Variants in ZNF362 observed in about 807,000 individuals in gnomAD.
ZNF362 encodes the protein rotund homolog.
In ZNF362, 11 loss-of-function variants were observed where a neutral mutation model predicts 42.9. The observed-to-expected ratio is 0.26, with a 90% CI of 0.16 to 0.42. The LOEUF (loss-of-function observed/expected upper bound fraction) is 0.42. Ranked by LOEUF, ZNF362 falls within the 20% of genes least tolerant of loss-of-function variation. ZNF362 has a pLI of 1.00. For missense variants in ZNF362, 362 were observed against 576.2 expected (o/e 0.63, Z 3.81); for synonymous variants, 255 against 257.3 (o/e 0.99, Z 0.09).
intron 2 of ZNF362, among the ~76,000 whole-genome samples, chr1:33,275,822 G>A (rs1002087775): frequency 1.3e-5 from 2 of 152,142 alleles, no homozygotes; most frequent in Non-Finnish European, 2.9e-5. Context: ...GGTGATAGGG[G>A]TGGGAGCTGG....
At chr1:33,155,149 G>A in the ZNF362 span, among the ~76,000 whole-genome samples, 2 of 149,496 alleles carry the variant, frequency 1.3e-5, no homozygotes, top group Non-Finnish European at 3.0e-5. Context: ...TCGGCTCATT[G>A]CAGCCTTCAC....
chr1:33,260,926 A>C (rs1341345034), intron 1 of ZNF362, among the ~76,000 whole-genome samples: 1 of 152,152 alleles, frequency 6.6e-6, no homozygotes, highest in Non-Finnish European at 1.5e-5. Flanking sequence ...GAATCTTACC[A>C]TGATAGGATG....
chr1:33,268,353 TTAAG>T, intron 1 of ZNF362, among the ~76,000 whole-genome samples: 1 of 152,224 alleles, frequency 6.6e-6, no homozygotes, highest in East Asian at 1.9e-4. Context: ...CACCTGATTA[TTAAG>T]TAAGTAATTA....
At chr1:33,151,712 C>T in the ZNF362 span, among the ~76,000 whole-genome samples, 1 of 152,166 alleles carries the variant, frequency 6.6e-6, no homozygotes, top group Non-Finnish European at 1.5e-5. Context: ...GTCTGGTCTC[C>T]AGGTGTGTTG....
In ZNF362 at chr1:33,298,942, A is replaced by G. The variant is rs1321300698; in HGVS notation, c.1159A>G (p.Met387Val). The change falls in exon 9 of 9, where the codon ATG (methionine) becomes GTG (valine). Residue 387 changes from methionine to valine, a missense_variant. Met to Val is a conservative substitution (Grantham distance 21). This residue lies in a region of ZNF362 where 68 missense variants were observed against 107.4 expected (regional missense o/e 0.63). Transcript: ENST00000539719. ...TCCCTGCCCACAGGAGACCTACCTG[A>G]TGAAGCACATGTCCAAACACACGGT... ...GRAYTSETYL[M>V]KHMSKHTVVE... 1.9e-6 allele frequency: 3 copies of G among 1,613,810 alleles called. No homozygotes were observed. The highest frequency in any genetic ancestry group is 2.7e-5 in the African/African-American group (2 of 74,938).
the ZNF362 span, among the ~76,000 whole-genome samples, chr1:33,240,590 C>T: frequency 6.6e-6 from 1 of 152,010 alleles, no homozygotes; most frequent in Non-Finnish European, 1.5e-5. Flanking sequence ...TGGAGAATTC[C>T]CAGGTAGACA....
At chr1:33,285,369 A>G (rs544485331) in intron 6 of ZNF362, among the ~76,000 whole-genome samples, 13 of 152,290 alleles carry the variant, frequency 8.5e-5, no homozygotes, top group African/African-American at 3.1e-4. Context: ...AGCCGAGATC[A>G]TGCCACTGCA....
chr1:33,189,646 T>TATATATATATATGTATATATATAC, the ZNF362 span, among the ~76,000 whole-genome samples: 33 of 18,520 alleles, frequency 1.8e-3, 1 homozygote, highest in African/African-American at 3.6e-3. Context: ...TATATATATA[T>TATATATATATATGTATATATATAC]ATATATATAT....
At chr1:33,166,703 A>G in the ZNF362 span, among the ~76,000 whole-genome samples, 1 of 152,168 alleles carries the variant, frequency 6.6e-6, no homozygotes. Flanking sequence ...GCCAGGTGAC[A>G]CGTTTTCTAC....
At chr1:33,285,422 CA>C (rs1296653570) in intron 6 of ZNF362, among the ~76,000 whole-genome samples, 1 of 151,856 alleles carries the variant, frequency 6.6e-6, no homozygotes, top group Admixed American at 6.5e-5. Context: ...TCACCAACAA[CA>C]AAAAAATGTT....
At chr1:33,183,246 G>C in the ZNF362 span, among the ~76,000 whole-genome samples, 1 of 152,130 alleles carries the variant, frequency 6.6e-6, no homozygotes, top group Non-Finnish European at 1.5e-5. Context: ...GCCATAGAGG[G>C]TGGCTACCAG....
At chr1:33,245,622 C>A in the ZNF362 span, among the ~76,000 whole-genome samples, 2 of 152,232 alleles carry the variant, frequency 1.3e-5, no homozygotes, top group African/African-American at 4.8e-5. Flanking sequence ...GAACAAAAAT[C>A]CAACAGCAAG....
the ZNF362 span, among the ~76,000 whole-genome samples, chr1:33,223,211 A>G: frequency 1.3e-5 from 2 of 152,162 alleles, no homozygotes; most frequent in African/African-American, 4.8e-5. Context: ...AGATTGAGCC[A>G]CTGCACTCCA....
chr1:33,264,805 AC>A (rs1305021825), intron 1 of ZNF362, among the ~76,000 whole-genome samples: 1 of 151,974 alleles, frequency 6.6e-6, no homozygotes, highest in Non-Finnish European at 1.5e-5. Flanking sequence ...CTCATTCCTG[AC>A]CCCAAACAAA....
the ZNF362 span, chr1:33,147,772 TGTGGACCCACCATGCA>T: frequency 5.7e-6 from 9 of 1,577,236 alleles, no homozygotes; most frequent in African/African-American, 9.4e-5. The surrounding 1 kb of genome is among the most constrained non-coding windows in gnomAD (Gnocchi z 8.1). Context: ...GGGAGAAGGC[TGTGGACCCACCATGCA>T]GTGCCTTCCT....
intron 6 of ZNF362, among the ~76,000 whole-genome samples, chr1:33,283,447 C>T (rs915197524): frequency 1.3e-5 from 2 of 152,160 alleles, no homozygotes; most frequent in African/African-American, 4.8e-5. Flanking sequence ...TGGCTCATGC[C>T]TGTAATTCTA....
chr1:33,204,735 G>T, the ZNF362 span, among the ~76,000 whole-genome samples: 1 of 152,158 alleles, frequency 6.6e-6, no homozygotes, highest in South Asian at 2.1e-4. Context: ...AATCAAGGAT[G>T]TCTGCACTCA....
chr1:33,229,230 T>C, the ZNF362 span, among the ~76,000 whole-genome samples: 1 of 151,950 alleles, frequency 6.6e-6, no homozygotes, highest in African/African-American at 2.4e-5. Flanking sequence ...CTTTTCTCAG[T>C]TTTAAATGGA....
At chr1:33,221,601 T>A in the ZNF362 span, among the ~76,000 whole-genome samples, 1 of 152,226 alleles carries the variant, frequency 6.6e-6, no homozygotes, top group Non-Finnish European at 1.5e-5. Context: ...AATCACTAGT[T>A]TTTACATAAG....
Sources: allele counts gnomAD v4.1 joint callset (sites outside exome capture counted in the v4.1 genomes callset), GRCh38; gene constraint gnomAD v4.1.1; regional missense constraint gnomAD v4.1.1; non-coding constraint Gnocchi (gnomAD v3.1); transcripts MANE v1.5; gene names NCBI Gene and HGNC (gene_info 2026-07-23, HGNC 2026-07-21).